RRM1: variants seen among roughly 807,000 people sequenced by gnomAD.
The protein encoded by RRM1 is ribonucleotide reductase catalytic subunit M1.
RRM1 carries 19 observed loss-of-function variants against 101.5 expected under a neutral mutation model. The observed-to-expected ratio is 0.19, with a 90% CI of 0.13 to 0.27. The LOEUF (loss-of-function observed/expected upper bound fraction) is 0.27, where lower values mean the gene tolerates loss of function less well. Among genes scored for constraint, RRM1 ranks in the 10% least tolerant of loss-of-function variants. RRM1 has a pLI of 1.00. For missense variants in RRM1, 500 were observed against 962.9 expected (o/e 0.52, Z 6.36); for synonymous variants, 298 against 323.4 (o/e 0.92, Z 0.84).
At chr11:4,120,934 G>T (rs1475047470) in intron 9 of RRM1, among the ~76,000 whole-genome samples, 1 of 152,202 alleles carries the variant, frequency 6.6e-6, no homozygotes, top group Admixed American at 6.5e-5. Context: ...TGGGAGGATG[G>T]CTTGAGCCCG....
At chr11:4,120,930 G>T (rs1027645648) in intron 9 of RRM1, among the ~76,000 whole-genome samples, 1 of 152,210 alleles carries the variant, frequency 6.6e-6, no homozygotes, top group African/African-American at 2.4e-5. Flanking sequence ...GAGGTGGGAG[G>T]ATGGCTTGAG....
chr11:4,136,489 G>A (rs922606880), intron 18 of RRM1, among the ~76,000 whole-genome samples: 4 of 152,066 alleles, frequency 2.6e-5, no homozygotes, highest in Non-Finnish European at 4.4e-5. Flanking sequence ...CAAAGTGCTC[G>A]AATTACAGGT....
At chr11:4,126,188 G>A (rs1280988212) in intron 12 of RRM1, among the ~76,000 whole-genome samples, 2 of 152,216 alleles carry the variant, frequency 1.3e-5, no homozygotes, top group African/African-American at 4.8e-5. Flanking sequence ...TGAAGGTGAG[G>A]TGGACGTGTG....
At chr11:4,125,276 C>A (rs1236740346) in intron 12 of RRM1, among the ~76,000 whole-genome samples, 1 of 152,116 alleles carries the variant, frequency 6.6e-6, no homozygotes, top group Admixed American at 6.5e-5. Flanking sequence ...ACTCCCTGTT[C>A]CCTTCTTCCC....
In RRM1 at chr11:4,094,901, T is replaced by G. The variant is rs2094540836; in HGVS notation, c.-112T>G. ...TGGCTCCAACTCCAGTTCTTTCCCC[T>G]GAGCAGCGCCTGGAACCTAACCCTT... On this transcript the variant is annotated 5_prime_UTR_variant, in exon 1 of 19. Coordinates refer to ENST00000300738, the MANE Select transcript of RRM1 (RefSeq NM_001033.5). The G allele has an allele frequency of 8.6e-7, 1 of 1,157,288 alleles. No individual in the cohort carries two copies. The highest frequency in any genetic ancestry group is 1.5e-5 in the African/African-American group (1 of 65,416). 71.7% of individuals were successfully genotyped at this position (1,157,288 alleles called of 1,614,324 possible).
chr11:4,133,395 C>T (rs538415937), intron 16 of RRM1, among the ~76,000 whole-genome samples, 168 bp from the exon 17 acceptor site: 2 of 152,262 alleles, frequency 1.3e-5, no homozygotes, highest in East Asian at 3.9e-4. Flanking sequence ...AGGAATATAG[C>T]TTTCGTGTGG....
At chr11:4,100,398 C>A (rs1023641279) in intron 1 of RRM1, among the ~76,000 whole-genome samples, 4 of 152,154 alleles carry the variant, frequency 2.6e-5, no homozygotes, top group African/African-American at 7.2e-5. Context: ...GGATTTGTTT[C>A]AGATTTTGGA....
chr11:4,127,674 A>C (rs2094592079), intron 14 of RRM1, among the ~76,000 whole-genome samples: 1 of 152,138 alleles, frequency 6.6e-6, no homozygotes, highest in Non-Finnish European at 1.5e-5. Context: ...TGAGAGAATA[A>C]ATTTTTGTTA....
Position 4,132,171 on chromosome 11 carries a change from A to G in RRM1, c.1770-115A>G, listed in dbSNP as rs1353881094. On this transcript the variant is annotated intron_variant, in intron 15 of 18. Transcript: ENST00000300738. The surrounding 1 kb of genome is among the most constrained non-coding windows in gnomAD (Gnocchi z 4.1). The stretch of plus-strand genomic sequence containing the variant: ...AACGTGTGAGTTCAATGCATGTACG[A>G]TGTTACATTTACATTTACTACATTT... The G allele has an allele frequency of 1.9e-6, 2 of 1,032,852 alleles. No homozygotes were observed. Among genetic ancestry groups the G allele is most frequent in the Non-Finnish European group, 2.9e-6 (2 of 685,572 alleles). 64.0% of individuals were successfully genotyped at this position (1,032,852 alleles called of 1,614,324 possible). A position where few individuals can be genotyped will look rare whatever the true frequency, so the allele number is the denominator to read the frequency against.
At chr11:4,130,084 A>ATTTT (rs1455847256) in intron 15 of RRM1, among the ~76,000 whole-genome samples, 1 of 98,020 alleles carries the variant, frequency 1.0e-5, no homozygotes, top group African/African-American at 5.4e-5. Flanking sequence ...ATATATATAT[A>ATTTT]TATTTTTTTT....
chr11:4,110,723 C>T (rs1268177085), intron 5 of RRM1, among the ~76,000 whole-genome samples: 3 of 145,454 alleles, frequency 2.1e-5, no homozygotes, highest in African/African-American at 5.1e-5. Context: ...GAGCCAAGAT[C>T]GTGGCACTGC....
intron 18 of RRM1, among the ~76,000 whole-genome samples, chr11:4,136,618 T>TA (rs2094610423): frequency 6.6e-6 from 1 of 151,888 alleles, no homozygotes; most frequent in Admixed American, 6.6e-5. Context: ...AGTGCAATGA[T>TA]ACAGTCTTGG....
chr11:4,130,127 G>GT (rs2094597460), intron 15 of RRM1, among the ~76,000 whole-genome samples: 1 of 104,552 alleles, frequency 9.6e-6, no homozygotes. Context: ...CTATGGCTTA[G>GT]TTTTTTATAT....
At chr11:4,114,700 A>C (rs528347429) in intron 7 of RRM1, among the ~76,000 whole-genome samples, 46 of 152,258 alleles carry the variant, frequency 3.0e-4, no homozygotes, top group African/African-American at 1.1e-3. Flanking sequence ...TCGTATGTGT[A>C]GTCCATCGTT....
At chr11:4,101,563 C>CCT (rs1190624832) in intron 1 of RRM1, among the ~76,000 whole-genome samples, 6 of 58,138 alleles carry the variant, frequency 1.0e-4, no homozygotes, top group African/African-American at 2.4e-4. Context: ...ATCCACACCC[C>CCT]CCCCCGCTCC....
intron 2 of RRM1, among the ~76,000 whole-genome samples, chr11:4,105,304 C>G (rs1590713786): frequency 6.6e-6 from 1 of 150,624 alleles, no homozygotes; most frequent in South Asian, 2.1e-4. Context: ...ATAGATAGCT[C>G]AGTGCAGTCT....
At chr11:4,119,321 T>G (rs1008457042) in intron 8 of RRM1, 16 of 170,952 alleles carry the variant, frequency 9.4e-5, no homozygotes, top group Non-Finnish European at 1.8e-4. Context: ...GTTAAAGAAT[T>G]TGATGAAGTA....
rs187272268 is a variant in RRM1, at chr11:4,124,034, G to A, written c.1320+650G>A. 1.2e-3 allele frequency among the ~76,000 whole-genome samples: 183 copies of A among 152,312 alleles called. 1 individual carries two copies. Among genetic ancestry groups the A allele is most frequent in the African/African-American group, 3.8e-3 (157 of 41,566 alleles). Reference sequence around the variant, plus strand: ...TGGTCTGTATGATACACCAGAGACAGGGCTGGGTTTTATGCAGTGTGGCAA... The same window carrying A: ...TGGTCTGTATGATACACCAGAGACAAGGCTGGGTTTTATGCAGTGTGGCAA... On this transcript the variant is annotated intron_variant, in intron 12 of 18. Coordinates refer to ENST00000300738, the MANE Select transcript of RRM1 (RefSeq NM_001033.5).
intron 9 of RRM1, 123 bp from the exon 10 acceptor site, chr11:4,121,481 A>G (rs1234220607): frequency 3.4e-5 from 19 of 556,416 alleles, no homozygotes; most frequent in Middle Eastern, 4.7e-4. Context: ...TAATACTTTT[A>G]TTTATGTTAT....
Sources: allele counts gnomAD v4.1 joint callset (sites outside exome capture counted in the v4.1 genomes callset), GRCh38; gene constraint gnomAD v4.1.1; non-coding constraint Gnocchi (gnomAD v3.1); transcripts MANE v1.5; gene names NCBI Gene and HGNC (gene_info 2026-07-23, HGNC 2026-07-21).